The following ANKS1B variants were observed in gnomAD, a reference collection of about 807,000 sequenced individuals.
ANKS1B encodes ankyrin repeat and sterile alpha motif domain containing 1B.
A neutral mutation model predicts 148.3 loss-of-function variants in ANKS1B; 36 were observed. The ratio of observed to expected loss-of-function variants is 0.24; its 90% CI spans 0.19 to 0.32. The LOEUF (loss-of-function observed/expected upper bound fraction) is 0.32. Ranked by LOEUF, ANKS1B falls within the 10% of genes least tolerant of loss-of-function variation. The probability of loss-of-function intolerance (pLI) is 1.00; values close to 1 mark genes in which losing one functional copy is unlikely to be tolerated. For synonymous variants in ANKS1B, 542 were observed against 560.8 expected (o/e 0.97, Z 0.47); for missense variants, 1,157 against 1,542.6 (o/e 0.75, Z 4.19).
chr12:98,743,906 G>C (rs1034772747), downstream of ANKS1B: 10 of 766,284 alleles, frequency 1.3e-5, no homozygotes, highest in African/African-American at 1.9e-5. Flanking sequence ...TGCTGAGAAG[G>C]CTGGGCCTTT....
chr12:99,151,558 A>C (rs1035139244), intron 15 of ANKS1B, among the ~76,000 whole-genome samples: 31 of 151,768 alleles, frequency 2.0e-4, no homozygotes, highest in Non-Finnish European at 8.8e-5. Flanking sequence ...ACAAAAAACA[A>C]CTGGGGTCTT....
chr12:99,240,529 C>T lies in ANKS1B; in HGVS notation c.2419+3813G>A, dbSNP rs185960838. 2.2e-3 allele frequency among the ~76,000 whole-genome samples: 332 copies of T among 152,256 alleles called. 1 individual carries two copies. Among genetic ancestry groups the T allele is most frequent in the African/African-American group, 7.2e-3 (297 of 41,536 alleles). On this transcript the variant is annotated intron_variant, in intron 14 of 26. Transcript: ENST00000683438. ...TAAGAGAGAAAGTTAACAAGGATAT[C>T]CAGGACTTGAACTCAGCTCTGGACC...
chr12:99,562,774 C>T (rs994409199), intron 9 of ANKS1B, among the ~76,000 whole-genome samples: 1 of 152,208 alleles, frequency 6.6e-6, no homozygotes, highest in African/African-American at 2.4e-5. Flanking sequence ...GATTCAATTA[C>T]TTCCCATGAG....
chr12:99,629,647 A>G (rs1248530271), intron 9 of ANKS1B, among the ~76,000 whole-genome samples: 1 of 152,170 alleles, frequency 6.6e-6, no homozygotes, highest in Non-Finnish European at 1.5e-5. Flanking sequence ...TATATTTGTT[A>G]AAGCTGGGAC....
intron 22 of ANKS1B, among the ~76,000 whole-genome samples, chr12:98,792,457 T>C (rs1226953058): frequency 6.6e-6 from 1 of 152,144 alleles, no homozygotes; most frequent in Non-Finnish European, 1.5e-5. Context: ...TTTTCAGAAA[T>C]TCAAAATCCT....
intron 25 of ANKS1B, among the ~76,000 whole-genome samples, chr12:98,768,908 G>C (rs1351636731): frequency 2.0e-5 from 3 of 151,478 alleles, no homozygotes; most frequent in East Asian, 3.9e-4. Flanking sequence ...CTCCTTTCTC[G>C]GACTACAATT....
At chr12:99,784,168 CTTTTTTTTTT>C (rs71088155) in intron 4 of ANKS1B, among the ~76,000 whole-genome samples, 1 of 110,878 alleles carries the variant, frequency 9.0e-6, no homozygotes, top group Non-Finnish European at 1.8e-5. Context: ...ACTGAACTTT[CTTTTTTTTTT>C]TTTTTTTTTT....
intron 17 of ANKS1B, among the ~76,000 whole-genome samples, chr12:98,872,375 C>G (rs531923734): frequency 2.0e-5 from 3 of 152,184 alleles, no homozygotes; most frequent in South Asian, 4.2e-4. Context: ...CCTGTCTCTA[C>G]TAAAAATACA....
At chr12:99,471,593 T>G (rs1352303746) in intron 10 of ANKS1B, among the ~76,000 whole-genome samples, 1 of 152,078 alleles carries the variant, frequency 6.6e-6, no homozygotes, top group East Asian at 1.9e-4. Flanking sequence ...CTGATCAATG[T>G]GTCAGTAGAC....
intron 14 of ANKS1B, among the ~76,000 whole-genome samples, chr12:99,179,791 A>C (rs191967192): frequency 6.6e-6 from 1 of 152,234 alleles, no homozygotes; most frequent in East Asian, 1.9e-4. Context: ...ACTTAACAAC[A>C]GTGCTGACAT....
At chr12:99,357,737 T>C (rs531714257) in intron 12 of ANKS1B, among the ~76,000 whole-genome samples, 12 of 152,224 alleles carry the variant, frequency 7.9e-5, no homozygotes, top group African/African-American at 2.9e-4. Context: ...GAAAAAACCC[T>C]CATATATAAA....
chr12:98,810,207 T>G (rs2099083828), intron 19 of ANKS1B, among the ~76,000 whole-genome samples: 1 of 152,250 alleles, frequency 6.6e-6, no homozygotes. Context: ...TTACTAACCA[T>G]GGACTAGTTC....
intron 9 of ANKS1B, among the ~76,000 whole-genome samples, chr12:99,614,791 T>G (rs1400624486): frequency 6.6e-6 from 1 of 152,080 alleles, no homozygotes; most frequent in Non-Finnish European, 1.5e-5. Flanking sequence ...ATTATTTCAT[T>G]ATTCTTCCCA....
chr12:99,166,409 A>G (rs1226050444), intron 14 of ANKS1B, among the ~76,000 whole-genome samples: 2 of 151,962 alleles, frequency 1.3e-5, no homozygotes, highest in African/African-American at 2.4e-5. Flanking sequence ...ACAAGAAATA[A>G]TAAGTGAGTT....
intron 12 of ANKS1B, among the ~76,000 whole-genome samples, chr12:99,288,648 T>C (rs879594971): frequency 3.9e-5 from 6 of 152,128 alleles, no homozygotes; most frequent in Non-Finnish European, 8.8e-5. Flanking sequence ...TTCTCTTTGC[T>C]TGTTTGTTAA....
At chr12:99,211,289 C>T (rs947994148) in intron 14 of ANKS1B, among the ~76,000 whole-genome samples, 13 of 152,236 alleles carry the variant, frequency 8.5e-5, no homozygotes, top group South Asian at 4.1e-4. Flanking sequence ...ATCACCAAGC[C>T]GAAAGTAAGT....
chr12:98,916,076 C>T (rs1344103188), intron 17 of ANKS1B, among the ~76,000 whole-genome samples: 5 of 152,142 alleles, frequency 3.3e-5, no homozygotes, highest in Admixed American at 6.5e-5. Flanking sequence ...CAATTATTGA[C>T]GTATGTTTGT....
At chr12:99,252,844 C>G (rs2074785890) in intron 12 of ANKS1B, among the ~76,000 whole-genome samples, 2 of 152,198 alleles carry the variant, frequency 1.3e-5, no homozygotes, top group South Asian at 4.1e-4. Context: ...TACAGATCCA[C>G]TCTGAAGAAA....
intron 14 of ANKS1B, among the ~76,000 whole-genome samples, chr12:99,189,378 G>C (rs1234471782): frequency 6.6e-6 from 1 of 152,114 alleles, no homozygotes; most frequent in Admixed American, 6.6e-5. Flanking sequence ...AAACCTGGCA[G>C]AGAAACAACA....
Sources: allele counts gnomAD v4.1 joint callset (sites outside exome capture counted in the v4.1 genomes callset), GRCh38; gene constraint gnomAD v4.1.1; transcripts MANE v1.5; gene names NCBI Gene and HGNC (gene_info 2026-07-23, HGNC 2026-07-21).